Variants in GSK3B observed in about 807,000 individuals in gnomAD.
The protein encoded by GSK3B is glycogen synthase kinase-3 beta.
A neutral mutation model predicts 56.4 loss-of-function variants in GSK3B; 15 were observed. The ratio of observed to expected loss-of-function variants is 0.27; its 90% CI spans 0.18 to 0.41. GSK3B has a LOEUF of 0.41. Among genes scored for constraint, GSK3B ranks in the 10% least tolerant of loss-of-function variants. The pLI is 1.00. For missense variants in GSK3B, 300 were observed against 513.4 expected, an observed-to-expected ratio of 0.58 and a Z score of 4.02; for synonymous variants, 181 against 188.9, an observed-to-expected ratio of 0.96 and a Z score of 0.34.
intron 8 of GSK3B, chr3:119,866,565 T>TG (rs1559814972): frequency 1.3e-6 from 2 of 1,540,868 alleles, no homozygotes; most frequent in South Asian, 2.3e-5. Flanking sequence ...CCTGAAATTT[T>TG]GGGAAAAAAA....
At chr3:119,959,982 T>C (rs1000860267) in intron 2 of GSK3B, among the ~76,000 whole-genome samples, 2 of 151,900 alleles carry the variant, frequency 1.3e-5, no homozygotes, top group Non-Finnish European at 2.9e-5. Flanking sequence ...AAAACCGGCA[T>C]ATGAATGTTC....
chr3:119,833,261 A>T (rs1291773853), intron 10 of GSK3B, among the ~76,000 whole-genome samples: 2 of 152,132 alleles, frequency 1.3e-5, no homozygotes, highest in Admixed American at 6.5e-5. Context: ...AAATAAAAAG[A>T]GAGTAGAAAA....
intron 1 of GSK3B, among the ~76,000 whole-genome samples, chr3:120,010,760 A>G (rs1395794188): frequency 6.6e-6 from 1 of 151,946 alleles, no homozygotes; most frequent in Non-Finnish European, 1.5e-5. Context: ...CTGTCTCTAA[A>G]TAAATAAATA....
At chr3:119,835,719 T>C (rs1172540395) in intron 10 of GSK3B, among the ~76,000 whole-genome samples, 2 of 152,210 alleles carry the variant, frequency 1.3e-5, no homozygotes, top group Non-Finnish European at 1.5e-5. Context: ...TTAAAATCTA[T>C]TTGGGTTAAG....
At position 120,094,268 on chromosome 3, in the gene GSK3B, C is replaced by T. The variant is rs991060499; in HGVS notation, c.-834G>A. On this transcript the variant is annotated 5_prime_UTR_variant, in exon 1 of 11. Coordinates refer to ENST00000264235, the MANE Select transcript of GSK3B (RefSeq NM_001146156.2). Reference sequence around the variant, plus strand: ...ACAGCTCGGCCGCCCTCCCGCCCCTCGGCTCTGCTCGGTGCCCGCTCAGGA... The same window carrying T: ...ACAGCTCGGCCGCCCTCCCGCCCCTTGGCTCTGCTCGGTGCCCGCTCAGGA... The T allele has an allele frequency of 8.9e-6, 2 of 225,242 alleles. No individual in the cohort carries two copies. The highest frequency in any genetic ancestry group is 1.2e-4 in the Admixed American group (2 of 17,238). 14.0% of individuals were successfully genotyped at this position (225,242 alleles called of 1,614,324 possible).
At chr3:120,022,354 T>C (rs752450236) in intron 1 of GSK3B, among the ~76,000 whole-genome samples, 1 of 152,232 alleles carries the variant, frequency 6.6e-6, no homozygotes, top group East Asian at 1.9e-4. Context: ...AACTTTTATA[T>C]GCACTAAGAA....
chr3:119,954,227 TAGAATAGAA>T (rs2057187197), intron 2 of GSK3B, among the ~76,000 whole-genome samples: 1 of 14,816 alleles, frequency 6.7e-5, no homozygotes, highest in African/African-American at 2.1e-4. Flanking sequence ...GGAAGGAGAA[TAGAATAGAA>T]TAGAATAGAA....
chr3:119,844,245 C>A (rs565741885), intron 9 of GSK3B, among the ~76,000 whole-genome samples: 12 of 151,996 alleles, frequency 7.9e-5, no homozygotes, highest in African/African-American at 2.7e-4. Flanking sequence ...AAAATTGACA[C>A]CCTAACATCA....
chr3:119,843,116 T>C, intron 10 of GSK3B, 139 bp downstream of exon 10: 2 of 403,722 alleles, frequency 5.0e-6, no homozygotes, highest in Non-Finnish European at 9.6e-6. Context: ...GGTTTCACCT[T>C]GTTGGTCAGG....
chr3:119,843,533 A>T (rs1268355890), intron 9 of GSK3B, 180 bp from the exon 10 acceptor site: 3 of 280,970 alleles, frequency 1.1e-5, no homozygotes, highest in East Asian at 2.0e-4. Context: ...ACCTGAGGTC[A>T]GGAGTTCGAG....
At chr3:120,019,669 A>G (rs1008697342) in intron 1 of GSK3B, among the ~76,000 whole-genome samples, 2 of 152,190 alleles carry the variant, frequency 1.3e-5, no homozygotes, top group Admixed American at 1.3e-4. Context: ...CTGTATACCA[A>G]TATCAAAACA....
At chr3:120,005,101 A>G (rs1224239011) in intron 1 of GSK3B, among the ~76,000 whole-genome samples, 1 of 152,112 alleles carries the variant, frequency 6.6e-6, no homozygotes, top group Non-Finnish European at 1.5e-5. Context: ...TGAAGCTGAA[A>G]ACCAGAGTAT....
Position 120,018,642 on chromosome 3 carries a change from T to C in GSK3B, c.89-16403A>G, listed in dbSNP as rs1300572740. Among the ~76,000 whole-genome samples, 4 of 152,340 alleles carry C rather than the reference T, an allele frequency of 2.6e-5. 1 individual carries two copies. The highest frequency in any genetic ancestry group is 9.6e-5 in the African/African-American group (4 of 41,584). Reference sequence around the variant, plus strand: ...AAAAGTGAAAGTGAATTGAATAATTTACATTCTAAAATAAATCCATAAAAA... The same window carrying C: ...AAAAGTGAAAGTGAATTGAATAATTCACATTCTAAAATAAATCCATAAAAA... On this transcript the variant is annotated intron_variant, in intron 1 of 10. Coordinates refer to ENST00000264235, the MANE Select transcript of GSK3B (RefSeq NM_001146156.2).
At position 120,094,057 on chromosome 3, in the gene GSK3B, C is replaced by A. The variant is rs200168029; in HGVS notation, c.-623G>T. 1 of 227,150 alleles carries A rather than the reference C, an allele frequency of 4.4e-6. No individual in the cohort carries two copies. Among genetic ancestry groups the A allele is most frequent in the East Asian group, 6.4e-5 (1 of 15,686 alleles). 14.1% of individuals were successfully genotyped at this position (227,150 alleles called of 1,614,324 possible). On this transcript the variant is annotated 5_prime_UTR_variant, in exon 1 of 11. Transcript: ENST00000264235. ...CAGAGGCGGGCGGTGGCGGTGGCGG[C>A]GGCTCCTCTCCTCATTGCGCCAGGA...
At chr3:119,979,399 C>G (rs1227643963) in intron 2 of GSK3B, among the ~76,000 whole-genome samples, 1 of 152,138 alleles carries the variant, frequency 6.6e-6, no homozygotes, top group Non-Finnish European at 1.5e-5. Flanking sequence ...TATCCCCCTG[C>G]ATCTGCTCCT....
rs1272993371 is a variant in GSK3B, at chr3:119,842,089, A to G, written c.1195+1166T>C. Among the ~76,000 whole-genome samples the G allele has an allele frequency of 2.6e-5, 4 of 152,244 alleles. No homozygotes were observed. In the East Asian group the frequency reaches 5.8e-4, roughly 22 times the overall value. On this transcript the variant is annotated intron_variant, in intron 10 of 10. Coordinates refer to ENST00000264235, the MANE Select transcript of GSK3B (RefSeq NM_001146156.2). Reference sequence around the variant, plus strand: ...CATTAGCTTTTTGGAGAGAGAGAGAAAAAAAAGGTGCCAAATTCTGAGCCC... The same window carrying G: ...CATTAGCTTTTTGGAGAGAGAGAGAGAAAAAAGGTGCCAAATTCTGAGCCC...
rs934818131 is a variant in GSK3B, at chr3:120,013,621, C to T, written c.89-11382G>A. ...CAACAAAAGCCTAGAGAAATCAGCA[C>T]ACCGCCCATGAATACACAGAAGATA... On this transcript the variant is annotated intron_variant, in intron 1 of 10. Transcript: ENST00000264235. 8.5e-5 allele frequency among the ~76,000 whole-genome samples: 13 copies of T among 152,172 alleles called. No individual in the cohort carries two copies. The East Asian group carries it at 2.3e-3, about 27-fold the overall frequency.
At chr3:119,848,266 G>C (rs2055882743) in intron 9 of GSK3B, among the ~76,000 whole-genome samples, 1 of 152,098 alleles carries the variant, frequency 6.6e-6, no homozygotes. Context: ...TAAGTATTTA[G>C]CCTGTAAGTA....
intron 9 of GSK3B, among the ~76,000 whole-genome samples, chr3:119,857,270 A>G (rs2056035943): frequency 6.6e-6 from 1 of 152,182 alleles, no homozygotes; most frequent in Non-Finnish European, 1.5e-5. Flanking sequence ...TCCTTTCACA[A>G]AAGATTTCTC....
Sources: allele counts gnomAD v4.1 joint callset (sites outside exome capture counted in the v4.1 genomes callset), GRCh38; gene constraint gnomAD v4.1.1; transcripts MANE v1.5; gene names NCBI Gene and HGNC (gene_info 2026-07-23, HGNC 2026-07-21).